PGAP3: variants seen among roughly 807,000 people sequenced by gnomAD.
PGAP3 encodes the protein post-GPI attachment to proteins phospholipase 3.
In PGAP3, 31 loss-of-function variants were observed where a neutral mutation model predicts 40.3. That is an observed-to-expected ratio of 0.77 (90% CI 0.58 to 1.04). The LOEUF (loss-of-function observed/expected upper bound fraction) is 1.04, where lower values mean the gene tolerates loss of function less well. Ranked by LOEUF, PGAP3 falls within the 50% of genes least tolerant of loss-of-function variation. The probability of loss-of-function intolerance (pLI) is 0.00; values close to 1 mark genes in which losing one functional copy is unlikely to be tolerated. For missense variants in PGAP3, 413 were observed against 423.0 expected, an observed-to-expected ratio of 0.98 and a Z score of 0.21; for synonymous variants, 191 against 184.5, an observed-to-expected ratio of 1.04 and a Z score of -0.29.
chr17:39,683,420 A>T (rs368529191), intron 3 of PGAP3, among the ~76,000 whole-genome samples: 1 of 151,426 alleles, frequency 6.6e-6, no homozygotes, highest in South Asian at 2.1e-4. Flanking sequence ...CTTTACACAC[A>T]CCCCTGAAGC....
At chr17:39,686,406 A>G (rs2057524141) in intron 1 of PGAP3, among the ~76,000 whole-genome samples, 1 of 151,584 alleles carries the variant, frequency 6.6e-6, no homozygotes, top group African/African-American at 2.4e-5. Flanking sequence ...ACAGGCATGC[A>G]CCACCACACC....
intron 3 of PGAP3, among the ~76,000 whole-genome samples, chr17:39,675,898 T>C (rs540464297): frequency 6.6e-6 from 1 of 152,312 alleles, no homozygotes; most frequent in Non-Finnish European, 1.5e-5. Flanking sequence ...TCTGCTCCTC[T>C]TGACCTGGTC....
Position 39,687,943 on chromosome 17 carries a change from G to T in PGAP3, c.72C>A (p.Asp24Glu). ...AAALASGSQG[D>E]REPVYRDCVL... The stretch of plus-strand genomic sequence containing the variant: ...CGCAGTCGCGGTACACCGGCTCACG[G>T]TCGCCCTGGGAGCCGCTCGCCAGCG... The change falls in exon 1 of 8, where the codon GAC (aspartate) becomes GAA (glutamate). Residue 24 changes from aspartate (D) to glutamate (E), a missense_variant. By Grantham distance (45) the Asp-to-Glu change is conservative. Transcript: ENST00000300658. 1 of 1,481,672 alleles carries T rather than the reference G, an allele frequency of 6.7e-7. No individual in the cohort carries two copies. The highest frequency in any genetic ancestry group is 9.1e-7 in the Non-Finnish European group (1 of 1,101,756). The allele number at this position is 1,481,672 out of a possible 1,614,324, so 91.8% of individuals were successfully genotyped here.
intron 3 of PGAP3, among the ~76,000 whole-genome samples, chr17:39,679,467 C>T (rs1306143081): frequency 6.6e-6 from 1 of 152,316 alleles, no homozygotes; most frequent in Admixed American, 6.5e-5. Context: ...AGGCTCTAAG[C>T]TTCTTCAGAG....
chr17:39,682,225 CAAAAAAAAAAAAAAAA>C (rs60959390), intron 3 of PGAP3, among the ~76,000 whole-genome samples: 11 of 22,830 alleles, frequency 4.8e-4, no homozygotes, highest in Admixed American at 2.0e-3. Flanking sequence ...GACTCTGTCT[CAAAAAAAAAAAAAAAA>C]AAAAAAAAAA....
intron 3 of PGAP3, among the ~76,000 whole-genome samples, chr17:39,678,529 G>T (rs900792189): frequency 6.6e-6 from 1 of 152,220 alleles, no homozygotes; most frequent in Non-Finnish European, 1.5e-5. Flanking sequence ...TTGTGCCAGC[G>T]TTATCATGAG....
At position 39,674,665 on chromosome 17, in the gene PGAP3, T is replaced by C; in HGVS notation, c.447A>G (p.Ala149=). ...TGTGGAAAACTGTGGACCAGAACCA[T>C]GCATTGAGGGACACCTAAGGAGGGA... is the stretch of plus-strand genomic sequence containing the variant. The part of the protein sequence containing the change: ...CVAFAWVSLN[A]WFWSTVFHTR... Residue 149 remains alanine (A), a synonymous_variant, in exon 4 of 8, where the codon GCA becomes GCG. Transcript: ENST00000300658. 1 of 1,551,162 alleles carries C rather than the reference T, an allele frequency of 6.4e-7. No homozygotes were observed. The highest frequency in any genetic ancestry group is 8.7e-7 in the Non-Finnish European group (1 of 1,146,632).
intron 3 of PGAP3, among the ~76,000 whole-genome samples, chr17:39,681,743 G>A (rs1359261754): frequency 1.3e-5 from 2 of 151,822 alleles, no homozygotes; most frequent in East Asian, 3.9e-4. Flanking sequence ...CCTGACCTCA[G>A]GTGATCCACC....
At chr17:39,674,479 C>A in intron 4 of PGAP3, 138 bp downstream of exon 4, 1 of 895,940 alleles carries the variant, frequency 1.1e-6, no homozygotes, top group East Asian at 2.7e-5. Context: ...AGGGCACCAA[C>A]AGGTTTAGGA....
rs780773855 is a variant in PGAP3, at chr17:39,684,749, A to G, written c.280T>C (p.Trp94Arg). 31 of 1,598,614 alleles carry G rather than the reference A, an allele frequency of 1.9e-5. No homozygotes were observed. The highest frequency in any genetic ancestry group is 2.6e-5 in the Non-Finnish European group (31 of 1,172,862). ...AAGAACAGGAACCGGGAGAAGGGCC[A>G]CTGAAAAAGGAGCAGATGAAGGAGG... ...GHKVPQFHGKWPFSRFLFFQE... is the reference protein window; with the variant it reads ...GHKVPQFHGKRPFSRFLFFQE... The change falls in exon 3 of 8, where the codon TGG (tryptophan) becomes CGG (arginine). Residue 94 changes from tryptophan to arginine, a missense_variant and splice_region_variant. Transcript: ENST00000300658.
In PGAP3 at chr17:39,672,778, C is replaced by G. The variant is rs201864075; in HGVS notation, c.*25G>C. ...CAGCAGGGCGGGGGCAGGATCCCCA[C>G]TGGGGCAGACTCGCTCCAAGGTCTT... On this transcript the variant is annotated 3_prime_UTR_variant, in exon 8 of 8. Transcript: ENST00000300658. The G allele has an allele frequency of 4.3e-6, 7 of 1,612,200 alleles. No individual in the cohort carries two copies. In the Admixed American group the frequency reaches 1.0e-4, roughly 23 times the overall value.
intron 3 of PGAP3, among the ~76,000 whole-genome samples, chr17:39,677,328 C>T (rs1470037629): frequency 6.6e-6 from 1 of 152,160 alleles, no homozygotes; most frequent in Admixed American, 6.5e-5. Context: ...ACCTGCCCCT[C>T]AACTTCCCTT....
intron 1 of PGAP3, among the ~76,000 whole-genome samples, chr17:39,687,495 G>C (rs1452390167): frequency 6.6e-6 from 1 of 152,162 alleles, no homozygotes; most frequent in Non-Finnish European, 1.5e-5. Flanking sequence ...GTCTTTCAGG[G>C]GCTCAAATCA....
At chr17:39,679,850 C>T (rs1447926969) in intron 3 of PGAP3, among the ~76,000 whole-genome samples, 2 of 152,174 alleles carry the variant, frequency 1.3e-5, no homozygotes, top group Non-Finnish European at 2.9e-5. Flanking sequence ...GAATTCAATC[C>T]CCTGTCCCCA....
In PGAP3 at chr17:39,673,213, T is replaced by C. The variant is rs1447308341; in HGVS notation, c.737A>G (p.Asn246Ser). ...VVWWLAWCLW[N>S]QRRLPHVRKC... ...GCGCACGTGAGGCAGCCGCCGCTGGTTCCACAGGCACCAGGCCAGCCACCA... is the reference window on the plus strand; with the variant it reads ...GCGCACGTGAGGCAGCCGCCGCTGGCTCCACAGGCACCAGGCCAGCCACCA... Residue 246 changes from asparagine (N) to serine (S), a missense_variant, in exon 7 of 8, where the codon AAC (asparagine) becomes AGC (serine). Asn to Ser is a conservative substitution (Grantham distance 46, BLOSUM62 1). Transcript: ENST00000300658. 1 of 1,567,830 alleles carries C rather than the reference T, an allele frequency of 6.4e-7. No homozygotes were observed. The highest frequency in any genetic ancestry group is 1.4e-5 in the African/African-American group (1 of 73,870).
chr17:39,672,658 G>A lies in PGAP3; in HGVS notation c.*145C>T, dbSNP rs2057321687. On this transcript the variant is annotated 3_prime_UTR_variant, in exon 8 of 8. Coordinates refer to ENST00000300658, the MANE Select transcript of PGAP3 (RefSeq NM_033419.5). ...GCTGGTGAGGGCCAACAGGGGGTGG[G>A]CTGGCCACATGATTCTGGGCCCACA... 2.7e-5 allele frequency: 23 copies of A among 847,986 alleles called. No individual in the cohort carries two copies. The South Asian group carries it at 3.6e-4, about 13-fold the overall frequency. The allele number at this position is 847,986 out of a possible 1,614,324, so 52.5% of individuals were successfully genotyped here. A position where few individuals can be genotyped will look rare whatever the true frequency, so the allele number is the denominator to read the frequency against.
rs770734465 is a variant in PGAP3, at chr17:39,674,769, G to C, written c.433-90C>G. On this transcript the variant is annotated intron_variant, in intron 3 of 7. Transcript: ENST00000300658. ...TTGCTCACATCCATTTCACCTTTGGGAAGGGGCTCTGCAGGACAAGAAATG... is the reference window on the plus strand; with the variant it reads ...TTGCTCACATCCATTTCACCTTTGGCAAGGGGCTCTGCAGGACAAGAAATG... The C allele has an allele frequency of 8.3e-5, 109 of 1,305,546 alleles. No individual in the cohort carries two copies. The South Asian group carries it at 1.0e-3, about 12-fold the overall frequency. The allele number at this position is 1,305,546 out of a possible 1,614,324, so 80.9% of individuals were successfully genotyped here.
intron 3 of PGAP3, among the ~76,000 whole-genome samples, chr17:39,675,088 C>T (rs564136973): frequency 6.2e-4 from 94 of 151,594 alleles, no homozygotes; most frequent in African/African-American, 2.1e-3. Context: ...CCTCTGGGGG[C>T]GGGAATGAGG....
chr17:39,684,837 G>A, intron 2 of PGAP3, 88 bp from the exon 3 acceptor site: 2 of 1,425,364 alleles, frequency 1.4e-6, no homozygotes, highest in Non-Finnish European at 1.9e-6. Context: ...TGAAGCAACA[G>A]GTCCTCAGCT....
Sources: allele counts gnomAD v4.1 joint callset (sites outside exome capture counted in the v4.1 genomes callset), GRCh38; gene constraint gnomAD v4.1.1; transcripts MANE v1.5; gene names NCBI Gene and HGNC (gene_info 2026-07-23, HGNC 2026-07-21).